The following LRCH1 variants were observed in gnomAD, a reference collection of about 807,000 sequenced individuals.
LRCH1 encodes leucine-rich repeat and calponin homology domain-containing protein 1.
A neutral mutation model predicts 94.9 loss-of-function variants in LRCH1; 23 were observed. The ratio of observed to expected loss-of-function variants is 0.24; its 90% CI spans 0.17 to 0.34. The LOEUF is 0.34. Ranked by LOEUF, LRCH1 falls within the 10% of genes least tolerant of loss-of-function variation. LRCH1 has a pLI of 1.00. For missense variants in LRCH1, 790 were observed against 945.9 expected (o/e 0.84, Z 2.16); for synonymous variants, 364 against 354.9 (o/e 1.03, Z -0.29).
exon 19 of LRCH1, chr13:46,752,334 G>C (rs1158378709): frequency 6.6e-6 from 1 of 152,264 alleles, no homozygotes; most frequent in African/African-American, 2.4e-5. Context: ...TGTAGAGGGG[G>C]ACGCAAAAGA....
intron 1 of LRCH1, among the ~76,000 whole-genome samples, chr13:46,623,600 C>G (rs2050906154): frequency 6.6e-6 from 1 of 151,232 alleles, no homozygotes; most frequent in South Asian, 2.1e-4. Flanking sequence ...TGTCACCTTT[C>G]CTTAGGAATT....
chr13:46,657,013 G>A (rs2051377585), intron 2 of LRCH1, among the ~76,000 whole-genome samples: 1 of 152,030 alleles, frequency 6.6e-6, no homozygotes, highest in Non-Finnish European at 1.5e-5. Flanking sequence ...GACACAAAAG[G>A]GATATTATGA....
At chr13:46,668,941 C>G in intron 2 of LRCH1, 89 bp from the exon 3 acceptor site, 2 of 1,395,852 alleles carry the variant, frequency 1.4e-6, no homozygotes, top group Non-Finnish European at 2.0e-6. Context: ...TCAGATCACT[C>G]CTTTTTCCTT....
intron 2 of LRCH1, among the ~76,000 whole-genome samples, chr13:46,661,859 C>T (rs1211188379): frequency 6.6e-6 from 1 of 152,164 alleles, no homozygotes; most frequent in African/African-American, 2.4e-5. Context: ...AGACTGTGCT[C>T]ACCTAAGTCA....
intron 1 of LRCH1, among the ~76,000 whole-genome samples, chr13:46,635,468 T>C (rs923455295): frequency 1.0e-4 from 1 of 9,962 alleles, no homozygotes; most frequent in African/African-American, 5.8e-4. Flanking sequence ...CCCTCCCACC[T>C]TTTTTTTTTT....
intron 1 of LRCH1, among the ~76,000 whole-genome samples, chr13:46,591,134 C>CT (rs1566162299): frequency 6.6e-6 from 1 of 152,130 alleles, no homozygotes; most frequent in Non-Finnish European, 1.5e-5. Flanking sequence ...AGCAAGTATA[C>CT]TTTTTTGTGT....
At chr13:46,678,524 A>G (rs1258294233) in intron 3 of LRCH1, among the ~76,000 whole-genome samples, 4 of 152,206 alleles carry the variant, frequency 2.6e-5, no homozygotes, top group Non-Finnish European at 4.4e-5. Context: ...GCAGAGTACT[A>G]TTAAAATAAT....
chr13:46,655,240 G>A (rs764939544), intron 2 of LRCH1, among the ~76,000 whole-genome samples: 1 of 152,118 alleles, frequency 6.6e-6, no homozygotes, highest in Non-Finnish European at 1.5e-5. Context: ...ATGTCAAAAG[G>A]CTGCTTGTTG....
chr13:46,658,811 T>C (rs2051408953), intron 2 of LRCH1, among the ~76,000 whole-genome samples: 1 of 152,220 alleles, frequency 6.6e-6, no homozygotes, highest in Admixed American at 6.5e-5. Flanking sequence ...TTTAAAGTTA[T>C]CTTTAAAAGT....
chr13:46,731,429 C>T (rs1003948623), intron 18 of LRCH1, among the ~76,000 whole-genome samples: 2 of 152,016 alleles, frequency 1.3e-5, no homozygotes, highest in African/African-American at 2.4e-5. Context: ...CGGGGTTTCA[C>T]CATGTTGGCC....
At chr13:46,585,004 C>T (rs1485301210) in intron 1 of LRCH1, among the ~76,000 whole-genome samples, 1 of 152,202 alleles carries the variant, frequency 6.6e-6, no homozygotes, top group Non-Finnish European at 1.5e-5. Flanking sequence ...AGAGAATTCT[C>T]AACTTGCTTC....
chr13:46,558,717 A>G (rs867643932), intron 1 of LRCH1, among the ~76,000 whole-genome samples: 6 of 151,992 alleles, frequency 3.9e-5, no homozygotes, highest in African/African-American at 1.4e-4. Flanking sequence ...TGGGCGACAG[A>G]ACAAGACTCT....
intron 11 of LRCH1, 29 bp downstream of exon 11, chr13:46,701,236 A>G (rs766679633): frequency 1.4e-6 from 2 of 1,470,948 alleles, no homozygotes; most frequent in East Asian, 4.5e-5. Flanking sequence ...TCCAGGTTTC[A>G]TGTGTAAATA....
At chr13:46,553,921 A>G (rs553152405) in intron 1 of LRCH1, among the ~76,000 whole-genome samples, 1 of 152,270 alleles carries the variant, frequency 6.6e-6, no homozygotes, top group South Asian at 2.1e-4. Context: ...CAGTGCCAGG[A>G]GGGCAGGGGT....
At chr13:46,624,200 A>T (rs1374104029) in intron 1 of LRCH1, among the ~76,000 whole-genome samples, 1 of 152,144 alleles carries the variant, frequency 6.6e-6, no homozygotes, top group Non-Finnish European at 1.5e-5. Flanking sequence ...TTTAACTTGC[A>T]ATACCTTTTC....
At position 46,553,480 on chromosome 13, in the gene LRCH1, C is replaced by A; in HGVS notation, c.84C>A (p.His28Gln). Reference protein sequence around the residue: ...ATLHPLHHPHHHHHHHQHHGG... With the variant: ...ATLHPLHHPHQHHHHHQHHGG... ...TGCACCCACTTCATCATCCCCACCA[C>A]CACCACCACCACCATCAGCACCACG... The change falls in exon 1 of 20, where the codon CAC becomes CAA. Residue 28 changes from histidine to glutamine, a missense_variant. His to Gln is a conservative substitution (Grantham distance 24, BLOSUM62 0). This residue lies in a region of LRCH1 where 136 missense variants were observed against 143.5 expected (regional missense o/e 0.95). Transcript: ENST00000389797. The A allele has an allele frequency of 6.5e-7, 1 of 1,548,290 alleles. No homozygotes were observed.
Position 46,620,046 on chromosome 13 carries a change from G to A in LRCH1, c.308-30155G>A, listed in dbSNP as rs186858123. Among the ~76,000 whole-genome samples, 87 of 152,226 alleles carry A rather than the reference G, an allele frequency of 5.7e-4. 1 individual carries two copies. Among genetic ancestry groups the A allele is most frequent in the Non-Finnish European group, 8.8e-4 (60 of 68,016 alleles). On this transcript the variant is annotated intron_variant, in intron 1 of 19. Coordinates refer to ENST00000389797, the MANE Select transcript of LRCH1 (RefSeq NM_001164211.2). ...TAGAGATAACGTAATTCTAGTATTC[G>A]TATTTGATTGTTAAAATATTTGGAC...
Position 46,743,686 on chromosome 13 carries a change from A to G in LRCH1, c.*1838A>G. 1 of 985,362 alleles carries G rather than the reference A, an allele frequency of 1.0e-6. No homozygotes were observed. Among genetic ancestry groups the G allele is most frequent in the Non-Finnish European group, 1.2e-6 (1 of 829,916 alleles). The allele number at this position is 985,362 out of a possible 1,614,324, so 61.0% of individuals were successfully genotyped here. ...TGCAGTGCATTGAGGCTTCTCTTTA[A>G]TGGTCACCACTGTGGTGGTTTTTCC... is the stretch of plus-strand genomic sequence containing the variant. On this transcript the variant is annotated 3_prime_UTR_variant, in exon 20 of 20. Transcript: ENST00000389797.
intron 2 of LRCH1, among the ~76,000 whole-genome samples, chr13:46,658,218 ATTCTTT>A (rs998535782): frequency 3.3e-5 from 5 of 152,102 alleles, no homozygotes; most frequent in African/African-American, 1.2e-4. Context: ...AAATTTGTGC[ATTCTTT>A]TTCTTTATCC....
Sources: allele counts gnomAD v4.1 joint callset (sites outside exome capture counted in the v4.1 genomes callset), GRCh38; gene constraint gnomAD v4.1.1; regional missense constraint gnomAD v4.1.1; transcripts MANE v1.5; gene names NCBI Gene and HGNC (gene_info 2026-07-23, HGNC 2026-07-21).